PCCB: variants seen among roughly 807,000 people sequenced by gnomAD.
PCCB encodes propionyl-CoA carboxylase subunit beta, also known as propionyl-CoA carboxylase beta chain, mitochondrial.
A neutral mutation model predicts 60.7 loss-of-function variants in PCCB; 43 were observed. That is an observed-to-expected ratio of 0.71 (90% CI 0.55 to 0.91). The LOEUF (loss-of-function observed/expected upper bound fraction) is 0.91, where lower values mean the gene tolerates loss of function less well. Among genes scored for constraint, PCCB ranks in the 40% least tolerant of loss-of-function variants. The pLI, the probability that PCCB is intolerant of heterozygous loss-of-function variation, is 0.00. For synonymous variants in PCCB, 276 were observed against 255.9 expected, an observed-to-expected ratio of 1.08 and a Z score of -0.75; for missense variants, 766 against 702.8, an observed-to-expected ratio of 1.09 and a Z score of -1.02.
intron 5 of PCCB, among the ~76,000 whole-genome samples, chr3:136,281,135 T>C (rs371367467): frequency 2.2e-4 from 32 of 146,286 alleles, no homozygotes; most frequent in South Asian, 1.3e-3. Context: ...GCTTGGAGTT[T>C]GTTGAGCTTC....
rs1941790470 is a variant in PCCB at position 136,260,453 on chromosome 3, C to T, written c.373-26C>T. On this transcript the variant is annotated intron_variant, in intron 3 of 14. Coordinates refer to ENST00000251654, the MANE Select transcript of PCCB (RefSeq NM_000532.5). The stretch of plus-strand genomic sequence containing the variant: ...ATCTCTAGCCAGTCACTATATTTGA[C>T]TTGCTGATTTGTATTTTCTTTTTAG... 3 of 1,596,018 alleles carry T rather than the reference C, an allele frequency of 1.9e-6. No individual in the cohort carries two copies. The African/African-American group carries it at 4.0e-5, about 21-fold the overall frequency.
At chr3:136,301,145 A>G (rs746176472) in intron 9 of PCCB, 34 bp downstream of exon 9, 8 of 1,533,574 alleles carry the variant, frequency 5.2e-6, no homozygotes, top group Non-Finnish European at 6.3e-6. Flanking sequence ...TGCCTGTCCT[A>G]GTCAGCCACA....
intron 9 of PCCB, among the ~76,000 whole-genome samples, chr3:136,312,376 A>T (rs1934702714): frequency 6.6e-6 from 1 of 152,232 alleles, no homozygotes; most frequent in Non-Finnish European, 1.5e-5. Context: ...GTATCTAAAC[A>T]TAAAAAGGGT....
At chr3:136,253,573 CGG>C (rs1231166442) in intron 1 of PCCB, among the ~76,000 whole-genome samples, 1 of 151,532 alleles carries the variant, frequency 6.6e-6, no homozygotes, top group African/African-American at 2.4e-5. Context: ...TTAGTAGAGA[CGG>C]GGTTTCACCA....
chr3:136,263,261 T>TTG (rs1553775053), intron 5 of PCCB, among the ~76,000 whole-genome samples: 1 of 147,958 alleles, frequency 6.8e-6, no homozygotes, highest in African/African-American at 2.5e-5. Context: ...CTGGTTTTTT[T>TTG]TTTTTTTTTT....
intron 10 of PCCB, among the ~76,000 whole-genome samples, chr3:136,319,160 A>G (rs192495990): frequency 6.6e-6 from 1 of 152,304 alleles, no homozygotes; most frequent in African/African-American, 2.4e-5. Flanking sequence ...CATCAACATT[A>G]GTCTTGGTGA....
At chr3:136,317,242 T>TTTTTG (rs869106733) in intron 10 of PCCB, among the ~76,000 whole-genome samples, 178 bp downstream of exon 10, 2 of 130,684 alleles carry the variant, frequency 1.5e-5, no homozygotes, top group African/African-American at 2.8e-5. Context: ...TTTTTTTTTT[T>TTTTTG]AGACAGGGTC....
At chr3:136,320,230 A>G (rs1396464057) in intron 10 of PCCB, among the ~76,000 whole-genome samples, 1 of 152,214 alleles carries the variant, frequency 6.6e-6, no homozygotes, top group Non-Finnish European at 1.5e-5. Flanking sequence ...CATTTCTCCA[A>G]AAAAGGCTGT....
chr3:136,328,328 CCT>C (rs1202403736), intron 13 of PCCB, among the ~76,000 whole-genome samples: 1 of 152,116 alleles, frequency 6.6e-6, no homozygotes, highest in Non-Finnish European at 1.5e-5. Flanking sequence ...AGTCTGGTCG[CCT>C]CTGGCCACCG....
In PCCB at chr3:136,330,064, G is replaced by A; in HGVS notation, c.*38G>A. ...AAAAGAAACCAAGAACTGAATTACT[G>A]TCTGCCCATTCACATCCCATTCCTG... is the stretch of plus-strand genomic sequence containing the variant. On this transcript the variant is annotated 3_prime_UTR_variant, in exon 15 of 15. Coordinates refer to ENST00000251654, the MANE Select transcript of PCCB (RefSeq NM_000532.5). 1 of 1,613,338 alleles carries A rather than the reference G, an allele frequency of 6.2e-7. No homozygotes were observed. Among genetic ancestry groups the A allele is most frequent in the African/African-American group, 1.3e-5 (1 of 75,032 alleles).
At chr3:136,306,460 TAAAGA>T (rs926443438) in intron 9 of PCCB, among the ~76,000 whole-genome samples, 18 of 121,332 alleles carry the variant, frequency 1.5e-4, no homozygotes, top group African/African-American at 4.5e-4. Flanking sequence ...TAAGGAACAT[TAAAGA>T]AAAGTAGATA....
intron 5 of PCCB, among the ~76,000 whole-genome samples, chr3:136,279,761 A>G (rs932995394): frequency 6.6e-6 from 1 of 151,916 alleles, no homozygotes; most frequent in Non-Finnish European, 1.5e-5. Flanking sequence ...TCCGCCTCCC[A>G]GGTTCACGCC....
In PCCB at chr3:136,264,440, G is replaced by GTGTGTATATA; in HGVS notation, c.543+2376_543+2377insGTGTATATAT. ...CTGTCTCTCATATATATGTGTGTGT[G>GTGTGTATATA]TATATATGTATATATATATATGTTC... On this transcript the variant is annotated intron_variant, in intron 5 of 14. Transcript: ENST00000251654. Among the ~76,000 whole-genome samples the GTGTGTATATA allele has an allele frequency of 3.8e-4, 47 of 123,820 alleles. 1 individual carries two copies. Among genetic ancestry groups the GTGTGTATATA allele is most frequent in the Middle Eastern group, 4.1e-3 (1 of 244 alleles). The allele number at this position is 123,820 out of a possible 152,430, so 81.2% of individuals were successfully genotyped here.
At position 136,301,040 on chromosome 3, in the gene PCCB, G is replaced by T. The variant is rs794727960; in HGVS notation, c.895G>T (p.Val299Phe). The T allele has an allele frequency of 1.2e-6, 2 of 1,614,070 alleles. No homozygotes were observed. Among genetic ancestry groups the T allele is most frequent in the Non-Finnish European group, 1.7e-6 (2 of 1,179,962 alleles). ...TTTTTCTGCCTAAAGTGACCGTCTG[G>T]TTCCTGAGCTTGACACAATTGTCCC... Reference protein sequence around the residue: ...RECHDPSDRLVPELDTIVPLE... With the variant: ...RECHDPSDRLFPELDTIVPLE... The change falls in exon 9 of 15, where the codon GTT becomes TTT. Residue 299 changes from valine to phenylalanine, a missense_variant. By Grantham distance (50) the Val-to-Phe change is conservative. Transcript: ENST00000251654.
chr3:136,299,197 C>T (rs1280043332), intron 8 of PCCB, among the ~76,000 whole-genome samples: 1 of 151,714 alleles, frequency 6.6e-6, no homozygotes, highest in East Asian at 1.9e-4. Context: ...GATATATATC[C>T]ATATATATGT....
chr3:136,263,885 G>A (rs1049758600), intron 5 of PCCB, among the ~76,000 whole-genome samples: 4 of 151,986 alleles, frequency 2.6e-5, no homozygotes, highest in Admixed American at 1.3e-4. Flanking sequence ...GGTGGCACAT[G>A]CCTGTAATCC....
intron 3 of PCCB, among the ~76,000 whole-genome samples, chr3:136,257,284 C>T (rs1223010136): frequency 1.3e-5 from 2 of 152,048 alleles, no homozygotes; most frequent in Non-Finnish European, 2.9e-5. Context: ...ACATGATCTG[C>T]AGTACCTGGC....
chr3:136,268,097 T>TATAC (rs1679892758), intron 5 of PCCB, among the ~76,000 whole-genome samples: 2 of 84,532 alleles, frequency 2.4e-5, no homozygotes, highest in African/African-American at 8.8e-5. Flanking sequence ...GATATATATA[T>TATAC]ATATATATAT....
chr3:136,319,483 G>T lies in PCCB; in HGVS notation c.1090+2419G>T, dbSNP rs192937432. 4.8e-4 allele frequency among the ~76,000 whole-genome samples: 72 copies of T among 150,000 alleles called. 1 individual carries two copies. The highest frequency in any genetic ancestry group is 1.7e-3 in the African/African-American group (71 of 40,574). The stretch of plus-strand genomic sequence containing the variant: ...ACGATCTCGGCTTATTGCAATCTCT[G>T]TGCCCCGAGTTTCAAGCCATTCTCT... On this transcript the variant is annotated intron_variant, in intron 10 of 14. Coordinates refer to ENST00000251654, the MANE Select transcript of PCCB (RefSeq NM_000532.5).
Sources: allele counts gnomAD v4.1 joint callset (sites outside exome capture counted in the v4.1 genomes callset), GRCh38; gene constraint gnomAD v4.1.1; transcripts MANE v1.5; gene names NCBI Gene and HGNC (gene_info 2026-07-23, HGNC 2026-07-21).